MBD5: variants seen among roughly 807,000 people sequenced by gnomAD.
The protein encoded by MBD5 is methyl-CpG-binding domain protein 5.
MBD5 carries 13 observed loss-of-function variants against 117.3 expected under a neutral mutation model. The observed-to-expected ratio is 0.11, with a 90% CI of 0.07 to 0.18. MBD5 has a LOEUF of 0.18. Ranked by LOEUF, MBD5 falls within the 10% of genes least tolerant of loss-of-function variation. MBD5 has a pLI of 1.00. For missense variants in MBD5, 1,879 were observed against 2,093.8 expected, an observed-to-expected ratio of 0.90 and a Z score of 2.00; for synonymous variants, 727 against 766.4, an observed-to-expected ratio of 0.95 and a Z score of 0.85.
chr2:148,279,303 G>T (rs765722524), intron 3 of MBD5, among the ~76,000 whole-genome samples: 4 of 152,302 alleles, frequency 2.6e-5, no homozygotes, highest in African/African-American at 9.6e-5. Context: ...GGTGGCATGA[G>T]CCTATAGTCC....
In MBD5 at chr2:148,286,132, G is replaced by A. The variant is rs184959918; in HGVS notation, c.-680+52737G>A. 8.2e-4 allele frequency among the ~76,000 whole-genome samples: 125 copies of A among 152,136 alleles called. 1 individual carries two copies. The highest frequency in any genetic ancestry group is 2.5e-3 in the East Asian group (13 of 5,178). ...TGTTCTTACAGACATGAAATTTGCC[G>A]TTTGACTTAGTAGCTGGATTATTTG... On this transcript the variant is annotated intron_variant, in intron 3 of 13. Coordinates refer to ENST00000642680, the MANE Select transcript of MBD5 (RefSeq NM_001378120.1).
In MBD5 at chr2:148,021,228, G is replaced by C. The variant is rs1197314766; in HGVS notation, c.-1381G>C. 2 of 261,434 alleles carry C rather than the reference G, an allele frequency of 7.7e-6. No individual in the cohort carries two copies. Among genetic ancestry groups the C allele is most frequent in the Non-Finnish European group, 1.6e-5 (2 of 127,202 alleles). 16.2% of individuals were successfully genotyped at this position (261,434 alleles called of 1,614,324 possible). On this transcript the variant is annotated 5_prime_UTR_variant, in exon 1 of 14. Transcript: ENST00000642680. ...ACTTCAACCTTGAATTCAGGGGGGTGGGGGGAAGGCGGCTGAGTTCCTTCC... is the reference window on the plus strand; with the variant it reads ...ACTTCAACCTTGAATTCAGGGGGGTCGGGGGAAGGCGGCTGAGTTCCTTCC...
chr2:148,225,095 C>T (rs994924547), intron 2 of MBD5, among the ~76,000 whole-genome samples: 11 of 152,076 alleles, frequency 7.2e-5, no homozygotes, highest in African/African-American at 2.7e-4. Context: ...TAAGGACTTA[C>T]TCCTGCCATT....
rs137924105 is a variant in MBD5, at chr2:148,424,507, T to G, written c.-556-33696T>G. ...GAAAATTAACAAGGATATTCAGGAC[T>G]TGAACTCAGCTCTGGACCAAGGCAA... On this transcript the variant is annotated intron_variant, in intron 4 of 13. Coordinates refer to ENST00000642680, the MANE Select transcript of MBD5 (RefSeq NM_001378120.1). Among the ~76,000 whole-genome samples the G allele has an allele frequency of 4.1e-3, 628 of 151,426 alleles. 27 individuals carry two copies. The East Asian group carries it at 0.11, about 26-fold the overall frequency.
intron 4 of MBD5, among the ~76,000 whole-genome samples, chr2:148,438,228 AG>A (rs1706211836): frequency 6.6e-6 from 1 of 152,194 alleles, no homozygotes; most frequent in South Asian, 2.1e-4. Flanking sequence ...AGAATTTGGC[AG>A]GGGAGATTTT....
At chr2:148,099,676 G>A (rs1696155431) in intron 1 of MBD5, among the ~76,000 whole-genome samples, 1 of 152,170 alleles carries the variant, frequency 6.6e-6, no homozygotes, top group Non-Finnish European at 1.5e-5. Flanking sequence ...TTTTACCACT[G>A]AAATTCATCA....
At chr2:148,494,417 T>TA (rs910804869) in intron 11 of MBD5, among the ~76,000 whole-genome samples, 43 of 151,202 alleles carry the variant, frequency 2.8e-4, no homozygotes, top group Non-Finnish European at 3.8e-4. Context: ...TCAATGTTTC[T>TA]AAAAAAAAAC....
In MBD5 at chr2:148,021,408, G is replaced by A. The variant is rs1227149027; in HGVS notation, c.-1201G>A. Reference sequence around the variant, plus strand: ...CCCTCCTCCTCTTTGGCCGTGAGAGGAGGAGAGAAAGAAACCAAAAGCCTC... The same window carrying A: ...CCCTCCTCCTCTTTGGCCGTGAGAGAAGGAGAGAAAGAAACCAAAAGCCTC... On this transcript the variant is annotated 5_prime_UTR_variant, in exon 1 of 14. Transcript: ENST00000642680. 1 of 526,006 alleles carries A rather than the reference G, an allele frequency of 1.9e-6. No individual in the cohort carries two copies. The highest frequency in any genetic ancestry group is 3.7e-6 in the Non-Finnish European group (1 of 270,332). 32.6% of individuals were successfully genotyped at this position (526,006 alleles called of 1,614,324 possible). A position where few individuals can be genotyped will look rare whatever the true frequency, so the allele number is the denominator to read the frequency against.
intron 4 of MBD5, among the ~76,000 whole-genome samples, chr2:148,390,469 GTATATATATAAGTA>G (rs1559051380): frequency 6.7e-6 from 1 of 150,350 alleles, no homozygotes; most frequent in Non-Finnish European, 1.5e-5. Context: ...ATATGTGTGT[GTATATATATAAGTA>G]TATATATGTG....
intron 1 of MBD5, among the ~76,000 whole-genome samples, chr2:148,152,715 A>G (rs1167652211): frequency 1.3e-5 from 2 of 150,074 alleles, no homozygotes; most frequent in Admixed American, 6.6e-5. Context: ...GTCTCTTTTG[A>G]TCTTTGTTGG....
chr2:148,160,392 A>G (rs1697980405), intron 1 of MBD5, among the ~76,000 whole-genome samples: 1 of 152,094 alleles, frequency 6.6e-6, no homozygotes, highest in Non-Finnish European at 1.5e-5. Context: ...TCAATACTCC[A>G]TCTCAAAAAA....
intron 1 of MBD5, chr2:148,025,608 T>G (rs1573925250): frequency 6.6e-6 from 1 of 151,830 alleles, no homozygotes; most frequent in East Asian, 1.9e-4. Context: ...AAGTAACTTT[T>G]TTCTTTTTTA....
intron 1 of MBD5, among the ~76,000 whole-genome samples, chr2:148,124,671 A>AT (rs1217901950): frequency 6.6e-5 from 10 of 152,130 alleles, no homozygotes; most frequent in Non-Finnish European, 1.2e-4. Context: ...TTAAGGTTAG[A>AT]TTTTTTCTGC....
chr2:148,210,031 G>A (rs1699380618), intron 2 of MBD5, among the ~76,000 whole-genome samples: 1 of 152,172 alleles, frequency 6.6e-6, no homozygotes, highest in Non-Finnish European at 1.5e-5. Context: ...ACCTCTTGGA[G>A]GAAGGCATTT....
At chr2:148,368,887 A>T (rs1016676911) in intron 4 of MBD5, among the ~76,000 whole-genome samples, 1 of 152,142 alleles carries the variant, frequency 6.6e-6, no homozygotes, top group Admixed American at 6.6e-5. Flanking sequence ...ATTAGTTTCA[A>T]AATATTCAAA....
At chr2:148,326,813 A>G (rs1430269452) in intron 3 of MBD5, among the ~76,000 whole-genome samples, 5 of 151,064 alleles carry the variant, frequency 3.3e-5, no homozygotes, top group Admixed American at 1.3e-4. Context: ...GTGTCTTTTA[A>G]TTGGAGCATT....
At chr2:148,462,476 G>T (rs921263397) in intron 5 of MBD5, 106 bp from the exon 6 acceptor site, 8 of 754,264 alleles carry the variant, frequency 1.1e-5, no homozygotes, top group Non-Finnish European at 1.9e-5. Context: ...TTTCCCTAGT[G>T]GGAAAATATC....
intron 3 of MBD5, among the ~76,000 whole-genome samples, chr2:148,284,540 C>G (rs1428249293): frequency 6.6e-6 from 1 of 152,118 alleles, no homozygotes; most frequent in East Asian, 1.9e-4. Flanking sequence ...AAGTTACCCC[C>G]CTCTCATGGA....
At chr2:148,424,198 A>C (rs1202881025) in intron 4 of MBD5, among the ~76,000 whole-genome samples, 2 of 83,350 alleles carry the variant, frequency 2.4e-5, no homozygotes, top group Non-Finnish European at 2.4e-5. Context: ...AAAAAAAAAA[A>C]AAAAAAAAAA....
Sources: gnomAD v4.1 joint callset for allele counts (sites outside exome capture counted in the v4.1 genomes callset) on GRCh38, gnomAD v4.1.1 for gene constraint, MANE v1.5 for transcripts, NCBI Gene and HGNC (gene_info 2026-07-23, HGNC 2026-07-21) for gene names.